The following SLC9A9 variants were observed in gnomAD, a reference collection of about 807,000 sequenced individuals.
SLC9A9 encodes sodium/hydrogen exchanger 9.
A neutral mutation model predicts 77.8 loss-of-function variants in SLC9A9; 62 were observed. The ratio of observed to expected loss-of-function variants is 0.80; its 90% confidence interval spans 0.65 to 0.98. The LOEUF (loss-of-function observed/expected upper bound fraction) is 0.98. Among genes scored for constraint, SLC9A9 ranks in the 50% least tolerant of loss-of-function variants. SLC9A9 has a pLI of 0.00. For missense variants in SLC9A9, 775 were observed against 774.9 expected (o/e 1.00, Z 0.00); for synonymous variants, 320 against 283.5 (o/e 1.13, Z -1.29).
At chr3:143,591,639 T>C (rs1312543823) in intron 6 of SLC9A9, among the ~76,000 whole-genome samples, 1 of 152,220 alleles carries the variant, frequency 6.6e-6, no homozygotes, top group Non-Finnish European at 1.5e-5. Flanking sequence ...GTCTTGTCCA[T>C]GCAATAAAGG....
At chr3:143,648,688 A>G (rs964978570) in intron 6 of SLC9A9, among the ~76,000 whole-genome samples, 5 of 152,190 alleles carry the variant, frequency 3.3e-5, no homozygotes, top group African/African-American at 4.8e-5. Flanking sequence ...TGTGCTTCCA[A>G]TGAAGCTGAT....
intron 6 of SLC9A9, among the ~76,000 whole-genome samples, chr3:143,580,739 G>T (rs1018636159): frequency 3.0e-4 from 46 of 152,102 alleles, no homozygotes; most frequent in African/African-American, 1.1e-3. Flanking sequence ...ACTCAACAGG[G>T]TATGATCACT....
intron 6 of SLC9A9, among the ~76,000 whole-genome samples, chr3:143,643,907 A>C (rs1238352016): frequency 1.3e-5 from 2 of 148,200 alleles, no homozygotes; most frequent in East Asian, 4.0e-4. Flanking sequence ...TTCTGATACA[A>C]GCAGAGGCAA....
intron 10 of SLC9A9, among the ~76,000 whole-genome samples, chr3:143,494,126 G>C (rs977618707): frequency 6.6e-6 from 1 of 152,166 alleles, no homozygotes; most frequent in Non-Finnish European, 1.5e-5. Context: ...ATCTTCCCAA[G>C]TGGTACTTTA....
At chr3:143,564,132 T>C (rs2037130692) in intron 8 of SLC9A9, among the ~76,000 whole-genome samples, 3 of 152,222 alleles carry the variant, frequency 2.0e-5, no homozygotes, top group South Asian at 2.1e-4. Flanking sequence ...TACGAATAAA[T>C]GTTTATATGA....
At chr3:143,409,121 G>A (rs1486167669) in intron 12 of SLC9A9, among the ~76,000 whole-genome samples, 1 of 152,144 alleles carries the variant, frequency 6.6e-6, no homozygotes, top group Non-Finnish European at 1.5e-5. Context: ...CATGAATTGG[G>A]CTTGTTTGGA....
intron 6 of SLC9A9, among the ~76,000 whole-genome samples, chr3:143,630,820 G>C (rs898877345): frequency 6.6e-6 from 1 of 152,070 alleles, no homozygotes; most frequent in Non-Finnish European, 1.5e-5. Flanking sequence ...TCAGTTAATA[G>C]CTTAAAACAA....
At chr3:143,275,617 C>T (rs1938022412) in intron 14 of SLC9A9, among the ~76,000 whole-genome samples, 1 of 151,970 alleles carries the variant, frequency 6.6e-6, no homozygotes, top group African/African-American at 2.4e-5. Flanking sequence ...CTTTCCTATT[C>T]CTTCTAATTT....
At chr3:143,575,705 G>T (rs5003886) in intron 7 of SLC9A9, among the ~76,000 whole-genome samples, 14,874 of 152,174 alleles carry the variant, frequency 0.098, 903 homozygotes, top group Middle Eastern at 0.2. Flanking sequence ...TAAAGAGAAT[G>T]TTCAGGGCAG....
chr3:143,426,071 G>C (rs753107463), intron 12 of SLC9A9, among the ~76,000 whole-genome samples: 1 of 151,738 alleles, frequency 6.6e-6, no homozygotes, highest in Non-Finnish European at 1.5e-5. Context: ...AAGGAAGAAA[G>C]AAGAACAGGC....
At chr3:143,538,376 G>A (rs1381079111) in intron 9 of SLC9A9, among the ~76,000 whole-genome samples, 1 of 152,138 alleles carries the variant, frequency 6.6e-6, no homozygotes, top group Non-Finnish European at 1.5e-5. Context: ...GAATAGTAGT[G>A]TTTTCCCTAG....
chr3:143,319,090 C>G (rs2031324365), intron 14 of SLC9A9, among the ~76,000 whole-genome samples: 1 of 152,206 alleles, frequency 6.6e-6, no homozygotes, highest in African/African-American at 2.4e-5. Flanking sequence ...AATTTGGCTT[C>G]TTGAAGTGGC....
intron 9 of SLC9A9, among the ~76,000 whole-genome samples, chr3:143,540,868 A>G (rs2036677801): frequency 6.6e-6 from 1 of 152,222 alleles, no homozygotes; most frequent in East Asian, 1.9e-4. Context: ...AGTGTTCAAC[A>G]ATTGTTGATA....
chr3:143,385,041 A>T (rs1006205701), intron 12 of SLC9A9, among the ~76,000 whole-genome samples: 1 of 152,172 alleles, frequency 6.6e-6, no homozygotes, highest in Non-Finnish European at 1.5e-5. Context: ...AGGACTCAGC[A>T]TTGCAACTGG....
chr3:143,428,377 G>T (rs1307964666), intron 12 of SLC9A9, among the ~76,000 whole-genome samples: 1 of 152,030 alleles, frequency 6.6e-6, no homozygotes, highest in Non-Finnish European at 1.5e-5. Flanking sequence ...ACCACGATGA[G>T]ATATCACCTC....
chr3:143,716,923 A>C (rs1472108215), intron 4 of SLC9A9, among the ~76,000 whole-genome samples: 2 of 152,170 alleles, frequency 1.3e-5, no homozygotes, highest in Admixed American at 1.3e-4. Context: ...CACTGACCAC[A>C]ACTCGTGAGA....
chr3:143,288,982 A>G (rs1251024387), intron 14 of SLC9A9, among the ~76,000 whole-genome samples: 6 of 152,224 alleles, frequency 3.9e-5, no homozygotes, highest in Non-Finnish European at 7.3e-5. Flanking sequence ...ACAGGGAAGC[A>G]GTGGCAAGTG....
chr3:143,705,058 G>T (rs9846037), intron 4 of SLC9A9, among the ~76,000 whole-genome samples: 1,488 of 41,748 alleles, frequency 0.036, 18 homozygotes, highest in African/African-American at 0.053. Context: ...TATAGATATA[G>T]ATATATAGAT....
intron 9 of SLC9A9, among the ~76,000 whole-genome samples, chr3:143,516,866 C>T (rs2108610119): frequency 6.6e-6 from 1 of 152,132 alleles, no homozygotes; most frequent in South Asian, 2.1e-4. Context: ...TATAATTTTT[C>T]ATCTTCTTGG....
Sources: allele counts gnomAD v4.1 joint callset (sites outside exome capture counted in the v4.1 genomes callset), GRCh38; gene constraint gnomAD v4.1.1; transcripts MANE v1.5; gene names NCBI Gene and HGNC (gene_info 2026-07-23, HGNC 2026-07-21).